Variants in GFOD1 observed in about 807,000 individuals in gnomAD.
GFOD1 encodes Gfo/Idh/MocA-like oxidoreductase domain containing 1.
In GFOD1, 9 loss-of-function variants were observed where a neutral mutation model predicts 25.4. The observed-to-expected ratio is 0.35, with a 90% CI of 0.21 to 0.62. GFOD1 has a LOEUF of 0.62. Ranked by LOEUF, GFOD1 falls within the 20% of genes least tolerant of loss-of-function variation. The pLI is 0.72. For synonymous variants in GFOD1, 253 were observed against 245.6 expected (o/e 1.03, Z -0.28); for missense variants, 403 against 556.9 (o/e 0.72, Z 2.78).
chr6:13,431,771 G>C (rs1002303809), intron 1 of GFOD1, among the ~76,000 whole-genome samples: 1 of 152,196 alleles, frequency 6.6e-6, no homozygotes, highest in African/African-American at 2.4e-5. Context: ...TTAGTTCCCA[G>C]GTTGCACCAA....
At chr6:13,445,093 C>T (rs1396053841) in intron 1 of GFOD1, among the ~76,000 whole-genome samples, 2 of 152,186 alleles carry the variant, frequency 1.3e-5, no homozygotes, top group African/African-American at 4.8e-5. Context: ...CTTCTGCATA[C>T]ACTGGCAGGG....
chr6:13,446,499 A>G (rs1484018183), intron 1 of GFOD1, among the ~76,000 whole-genome samples: 1 of 152,200 alleles, frequency 6.6e-6, no homozygotes, highest in Non-Finnish European at 1.5e-5. Flanking sequence ...AGAGCCTGGG[A>G]TTCAGACACA....
intron 1 of GFOD1, chr6:13,408,189 A>G (rs1785982211): frequency 1.5e-6 from 1 of 656,036 alleles, no homozygotes; most frequent in Non-Finnish European, 1.9e-6. Flanking sequence ...TCAGAACACA[A>G]TTGAATGTGG....
At chr6:13,420,739 CT>C (rs1786241545) in intron 1 of GFOD1, among the ~76,000 whole-genome samples, 1 of 152,168 alleles carries the variant, frequency 6.6e-6, no homozygotes, top group Non-Finnish European at 1.5e-5. Context: ...AATGGCTCTA[CT>C]TCAACAAAGG....
rs1784951212 is a variant in GFOD1, at chr6:13,361,839, T to C, written c.*2904A>G. On this transcript the variant is annotated 3_prime_UTR_variant, in exon 2 of 2. Coordinates refer to ENST00000379287, the MANE Select transcript of GFOD1 (RefSeq NM_018988.4). ...CCTCTTTTAAAGAATATATGTTCTTTCTAATACCCCAGCTTCAAATGAGAT... is the reference window on the plus strand; with the variant it reads ...CCTCTTTTAAAGAATATATGTTCTTCCTAATACCCCAGCTTCAAATGAGAT... The C allele has an allele frequency of 6.6e-6, 1 of 152,250 alleles. No homozygotes were observed. Among genetic ancestry groups the C allele is most frequent in the Admixed American group, 6.5e-5 (1 of 15,284 alleles). 9.4% of individuals were successfully genotyped at this position (152,250 alleles called of 1,614,324 possible). A position where few individuals can be genotyped will look rare whatever the true frequency, so the allele number is the denominator to read the frequency against.
chr6:13,396,049 G>C (rs1257641543), intron 1 of GFOD1, among the ~76,000 whole-genome samples: 1 of 152,204 alleles, frequency 6.6e-6, no homozygotes, highest in Non-Finnish European at 1.5e-5. Flanking sequence ...TTGGAGGCCT[G>C]GGGAACGCAT....
rs568009061 is a variant in GFOD1, at chr6:13,412,563, T to C, written c.254-46901A>G. On this transcript the variant is annotated intron_variant, in intron 1 of 1. Transcript: ENST00000379287. The stretch of plus-strand genomic sequence containing the variant: ...AGTGTGGAAGCAGAGCCAACATCAC[T>C]TCTGGTTGGCAGTATCAGTTATGAA... Among the ~76,000 whole-genome samples the C allele has an allele frequency of 5.9e-5, 9 of 152,368 alleles. No homozygotes were observed. In the South Asian group the frequency reaches 1.7e-3, roughly 28 times the overall value.
At chr6:13,372,381 A>G (rs1785170522) in intron 1 of GFOD1, among the ~76,000 whole-genome samples, 1 of 152,146 alleles carries the variant, frequency 6.6e-6, no homozygotes, top group Non-Finnish European at 1.5e-5. Flanking sequence ...GAGCCAAAAT[A>G]TTCATGGCCC....
intron 1 of GFOD1, among the ~76,000 whole-genome samples, chr6:13,383,437 A>C (rs969409434): frequency 6.6e-6 from 1 of 152,260 alleles, no homozygotes; most frequent in African/African-American, 2.4e-5. Context: ...ACACTGAGTT[A>C]CACAAGATTC....
chr6:13,483,921 G>A (rs1758810329), intron 1 of GFOD1, among the ~76,000 whole-genome samples: 1 of 152,184 alleles, frequency 6.6e-6, no homozygotes. Flanking sequence ...GAAATGAAAT[G>A]CTTTATACAC....
Position 13,470,645 on chromosome 6 carries a change from G to A in GFOD1, c.253+15993C>T, listed in dbSNP as rs1016960375. The stretch of plus-strand genomic sequence containing the variant: ...ATGTCCTGGTTCTGTTGGAAAGGGA[G>A]AAGAGACAGAGAAGAGGAACACATC... On this transcript the variant is annotated intron_variant, in intron 1 of 1. Coordinates refer to ENST00000379287, the MANE Select transcript of GFOD1 (RefSeq NM_018988.4). 2.1e-6 allele frequency: 3 copies of A among 1,453,762 alleles called. No individual in the cohort carries two copies. The African/African-American group carries it at 4.3e-5, about 21-fold the overall frequency. The allele number at this position is 1,453,762 out of a possible 1,614,324, so 90.1% of individuals were successfully genotyped here. A position where few individuals can be genotyped will look rare whatever the true frequency, so the allele number is the denominator to read the frequency against.
chr6:13,405,020 C>T (rs1291985008), intron 1 of GFOD1, among the ~76,000 whole-genome samples: 1 of 152,206 alleles, frequency 6.6e-6, no homozygotes, highest in East Asian at 1.9e-4. Context: ...CCCATCTCAC[C>T]TTACATCAGT....
rs70989854 is a variant in GFOD1, at chr6:13,393,780, C to CTTTTTTTTTTTTT, written c.254-28131_254-28119dup. On this transcript the variant is annotated intron_variant, in intron 1 of 1. Transcript: ENST00000379287. ...CCTTGGCCAATTTCTTTTTTCTTTT[C>CTTTTTTTTTTTTT]TTTTTTTTTTTTTTTTTGAGACGGA... Among the ~76,000 whole-genome samples the CTTTTTTTTTTTTT allele has an allele frequency of 7.5e-5, 9 of 120,288 alleles. 2 individuals carry two copies. The highest frequency in any genetic ancestry group is 2.6e-4 in the South Asian group (1 of 3,860). 78.9% of individuals were successfully genotyped at this position (120,288 alleles called of 152,430 possible).
At chr6:13,447,685 G>C (rs566650176) in intron 1 of GFOD1, among the ~76,000 whole-genome samples, 1 of 126,718 alleles carries the variant, frequency 7.9e-6, no homozygotes, top group African/African-American at 3.0e-5. Context: ...AGGTTGCAGA[G>C]AGCTGAGATC....
chr6:13,410,750 G>A (rs1786063336), intron 1 of GFOD1, among the ~76,000 whole-genome samples: 1 of 152,114 alleles, frequency 6.6e-6, no homozygotes, highest in Non-Finnish European at 1.5e-5. Context: ...AGTGTCATGG[G>A]ATCCCAGGAC....
At chr6:13,391,511 C>CAAAAAAAAAAAAAAAAAAA (rs57340590) in intron 1 of GFOD1, among the ~76,000 whole-genome samples, 43 of 108,594 alleles carry the variant, frequency 4.0e-4, no homozygotes, top group Non-Finnish European at 5.2e-4. Flanking sequence ...AACAAACAAA[C>CAAAAAAAAAAAAAAAAAAA]AAAAAAAAAA....
rs1287535854 is a variant in GFOD1, at chr6:13,430,927, T to A, written c.253+55711A>T. Among the ~76,000 whole-genome samples the A allele has an allele frequency of 6.6e-6, 1 of 152,240 alleles. No homozygotes were observed. The highest frequency in any genetic ancestry group is 1.5e-5 in the Non-Finnish European group (1 of 68,046). ...TGCCCTCTCTACAGTCCAGCCATCATACGAATGCCTTATATGTGCTTCATC... is the reference window on the plus strand; with the variant it reads ...TGCCCTCTCTACAGTCCAGCCATCAAACGAATGCCTTATATGTGCTTCATC... On this transcript the variant is annotated intron_variant, in intron 1 of 1. Transcript: ENST00000379287. The surrounding 1 kb of genome is among the most constrained non-coding windows in gnomAD (Gnocchi z 4.1).
At position 13,408,185 on chromosome 6, in the gene GFOD1, C is replaced by T. The variant is rs1425773656; in HGVS notation, c.254-42523G>A. 3 of 708,914 alleles carry T rather than the reference C, an allele frequency of 4.2e-6. No homozygotes were observed. In the African/African-American group the frequency reaches 5.7e-5, roughly 14 times the overall value. 43.9% of individuals were successfully genotyped at this position (708,914 alleles called of 1,614,324 possible). On this transcript the variant is annotated intron_variant, in intron 1 of 1. Transcript: ENST00000379287. ...GGCAATAGCCTCTGCCTGATCAGAACACAATTGAATGTGGCCTTGGGCCAG... is the reference window on the plus strand; with the variant it reads ...GGCAATAGCCTCTGCCTGATCAGAATACAATTGAATGTGGCCTTGGGCCAG...
intron 1 of GFOD1, chr6:13,469,943 G>T: frequency 7.7e-7 from 1 of 1,305,532 alleles, no homozygotes; most frequent in Non-Finnish European, 1.0e-6. Context: ...TTCCAAAAGT[G>T]ATGAGTAGGT....
Sources: gnomAD v4.1 joint callset for allele counts (sites outside exome capture counted in the v4.1 genomes callset) on GRCh38, gnomAD v4.1.1 for gene constraint, Gnocchi (gnomAD v3.1) non-coding constraint, MANE v1.5 for transcripts, NCBI Gene and HGNC (gene_info 2026-07-23, HGNC 2026-07-21) for gene names.